The following MAP3K13 variants were observed in gnomAD, a reference collection of about 807,000 sequenced individuals.
The protein encoded by MAP3K13 is mitogen-activated protein kinase kinase kinase 13.
A neutral mutation model predicts 104.0 loss-of-function variants in MAP3K13; 52 were observed. The observed-to-expected ratio is 0.50, with a 90% CI of 0.40 to 0.63. MAP3K13 has a LOEUF of 0.63. Ranked by LOEUF, MAP3K13 falls within the 20% of genes least tolerant of loss-of-function variation. The probability of loss-of-function intolerance (pLI) is 0.00; values close to 1 mark genes in which losing one functional copy is unlikely to be tolerated. For synonymous variants in MAP3K13, 394 were observed against 442.2 expected (o/e 0.89, Z 1.37); for missense variants, 914 against 1,218.5 (o/e 0.75, Z 3.72).
chr3:185,387,916 T>G (rs866021767), intron 1 of MAP3K13, among the ~76,000 whole-genome samples: 6 of 152,224 alleles, frequency 3.9e-5, no homozygotes, highest in African/African-American at 1.4e-4. Context: ...TAGAAAATCC[T>G]AAAGACTTCA....
At chr3:185,422,313 G>T (rs533634665) in intron 1 of MAP3K13, among the ~76,000 whole-genome samples, 86 of 152,306 alleles carry the variant, frequency 5.6e-4, no homozygotes, top group Middle Eastern at 3.4e-3. Flanking sequence ...CTCTGCCACT[G>T]GTCAGATGTT....
chr3:185,341,714 G>A (rs569152807), intron 2 of MAP3K13, among the ~76,000 whole-genome samples: 3 of 152,184 alleles, frequency 2.0e-5, no homozygotes, highest in African/African-American at 7.2e-5. Context: ...AGGAGCAAGA[G>A]GCTTCAAGTT....
In MAP3K13 at chr3:185,299,813, G is replaced by C. The variant is rs1335114581; in HGVS notation, c.-86+14170G>C. 2.2e-4 allele frequency among the ~76,000 whole-genome samples: 2 copies of C among 9,172 alleles called. 1 individual carries two copies. The highest frequency in any genetic ancestry group is 3.8e-4 in the African/African-American group (2 of 5,304). 6.0% of individuals were successfully genotyped at this position (9,172 alleles called of 152,430 possible). A position where few individuals can be genotyped will look rare whatever the true frequency, so the allele number is the denominator to read the frequency against. On this transcript the variant is annotated intron_variant, in intron 2 of 14. Transcript: ENST00000424227. Reference sequence around the variant, plus strand: ...GATCTCCTGACCTCATGATCCACCCGCCTCGGCCTCCCAAAGTGCTGGGAT... The same window carrying C: ...GATCTCCTGACCTCATGATCCACCCCCCTCGGCCTCCCAAAGTGCTGGGAT...
At chr3:185,353,179 G>A (rs1332828365) in intron 2 of MAP3K13, among the ~76,000 whole-genome samples, 2 of 152,182 alleles carry the variant, frequency 1.3e-5, no homozygotes, top group Non-Finnish European at 2.9e-5. Context: ...GTAAAGAGAT[G>A]ACTATAGTGC....
chr3:185,349,408 G>A (rs1723056473), intron 2 of MAP3K13, among the ~76,000 whole-genome samples: 1 of 151,930 alleles, frequency 6.6e-6, no homozygotes. Flanking sequence ...CAGGATAATG[G>A]CCTCCAGCTG....
intron 1 of MAP3K13, among the ~76,000 whole-genome samples, chr3:185,401,660 G>A (rs1188779560): frequency 1.3e-5 from 2 of 152,100 alleles, no homozygotes; most frequent in South Asian, 2.1e-4. Flanking sequence ...TTTGCAAAGG[G>A]CTTTATATAA....
chr3:185,304,669 T>C (rs917880529), intron 2 of MAP3K13, among the ~76,000 whole-genome samples: 4 of 152,170 alleles, frequency 2.6e-5, no homozygotes, highest in Non-Finnish European at 4.4e-5. Flanking sequence ...AGTCTCTCAT[T>C]GTCACCCAGG....
At chr3:185,466,751 T>C in intron 9 of MAP3K13, 75 bp from the exon 10 acceptor site, 1 of 1,526,408 alleles carries the variant, frequency 6.6e-7, no homozygotes, top group Non-Finnish European at 9.1e-7. Context: ...TGTGGTAGAA[T>C]TAGCCGGTGA....
chr3:185,438,769 G>A (rs932374688), intron 3 of MAP3K13, among the ~76,000 whole-genome samples: 4 of 152,134 alleles, frequency 2.6e-5, no homozygotes, highest in Non-Finnish European at 5.9e-5. Flanking sequence ...TGTTGCCCTA[G>A]GCTTAAACAA....
intron 2 of MAP3K13, among the ~76,000 whole-genome samples, chr3:185,321,073 T>C (rs1350799269): frequency 2.0e-5 from 3 of 151,314 alleles, no homozygotes; most frequent in Non-Finnish European, 4.4e-5. Flanking sequence ...TGCACACACA[T>C]ATGCGTGCAC....
chr3:185,283,435 T>G (rs192622752), intron 1 of MAP3K13, among the ~76,000 whole-genome samples: 3 of 152,262 alleles, frequency 2.0e-5, no homozygotes, highest in Admixed American at 6.5e-5. Flanking sequence ...CGTAGCATAG[T>G]GCCTTGCGAC....
intron 2 of MAP3K13, among the ~76,000 whole-genome samples, chr3:185,337,445 A>G (rs981233589): frequency 6.6e-6 from 1 of 152,244 alleles, no homozygotes; most frequent in Admixed American, 6.5e-5. Context: ...GTATTTTATG[A>G]CACATCTCAT....
intron 2 of MAP3K13, among the ~76,000 whole-genome samples, chr3:185,330,190 C>T (rs1235171291): frequency 6.6e-6 from 1 of 151,694 alleles, no homozygotes; most frequent in Non-Finnish European, 1.5e-5. Flanking sequence ...CGTGAGCCAC[C>T]GCGCCCGGCC....
intron 2 of MAP3K13, among the ~76,000 whole-genome samples, chr3:185,430,734 TA>T (rs1234515367): frequency 6.6e-6 from 1 of 152,150 alleles, no homozygotes; most frequent in Non-Finnish European, 1.5e-5. Context: ...AAAAAAATTT[TA>T]AAATAATCTA....
upstream of MAP3K13, among the ~76,000 whole-genome samples, chr3:185,362,145 C>T (rs1164671546): frequency 3.3e-5 from 5 of 152,154 alleles, no homozygotes; most frequent in Non-Finnish European, 7.3e-5. Flanking sequence ...ATATTAACCA[C>T]GATCGTTCTA....
intron 11 of MAP3K13, among the ~76,000 whole-genome samples, chr3:185,474,799 T>C (rs931273251): frequency 4.6e-5 from 7 of 152,072 alleles, no homozygotes; most frequent in Non-Finnish European, 8.8e-5. Context: ...AGACCTTACT[T>C]TAAAGCCAGG....
intron 10 of MAP3K13, 64 bp downstream of exon 10, chr3:185,467,027 C>A: frequency 1.3e-6 from 2 of 1,588,638 alleles, no homozygotes; most frequent in Non-Finnish European, 8.6e-7. Context: ...CAAATCCATT[C>A]TCACATGATG....
intron 13 of MAP3K13, chr3:185,481,126 T>G (rs961803281): frequency 1.3e-5 from 2 of 153,262 alleles, no homozygotes; most frequent in African/African-American, 4.8e-5. Flanking sequence ...GAACCCTTCA[T>G]GTCAAGATTT....
At chr3:185,349,483 A>G (rs960478312) in intron 2 of MAP3K13, among the ~76,000 whole-genome samples, 1 of 152,164 alleles carries the variant, frequency 6.6e-6, no homozygotes, top group Non-Finnish European at 1.5e-5. Context: ...TCCATGGTGT[A>G]TATGATCTAC....
Sources: allele counts gnomAD v4.1 joint callset (sites outside exome capture counted in the v4.1 genomes callset), GRCh38; gene constraint gnomAD v4.1.1; transcripts MANE v1.5; gene names NCBI Gene and HGNC (gene_info 2026-07-23, HGNC 2026-07-21).